The following RNF150 variants were observed in gnomAD, a reference collection of about 807,000 sequenced individuals.
RNF150 encodes the protein ring finger protein 150.
RNF150 carries 24 observed loss-of-function variants against 39.3 expected under a neutral mutation model. The observed-to-expected ratio is 0.61, with a 90% CI of 0.44 to 0.86. RNF150 has a LOEUF of 0.86. Ranked by LOEUF, RNF150 falls within the 40% of genes least tolerant of loss-of-function variation. The pLI is 0.00. For synonymous variants in RNF150, 255 were observed against 227.3 expected (o/e 1.12, Z -1.10); for missense variants, 502 against 587.8 (o/e 0.85, Z 1.51).
At chr4:140,882,296 G>C (rs1403148055) in intron 6 of RNF150, among the ~76,000 whole-genome samples, 1 of 152,188 alleles carries the variant, frequency 6.6e-6, no homozygotes, top group Non-Finnish European at 1.5e-5. Flanking sequence ...TGGGATTACA[G>C]GTGTGAGCCA....
intron 1 of RNF150, among the ~76,000 whole-genome samples, chr4:141,059,524 A>AT (rs935274433): frequency 1.9e-4 from 29 of 150,834 alleles, no homozygotes; most frequent in Non-Finnish European, 2.7e-4. Flanking sequence ...ATTTTCCTGC[A>AT]TTTTTTTTTA....
intron 1 of RNF150, among the ~76,000 whole-genome samples, chr4:141,103,590 C>A (rs1739094405): frequency 6.6e-6 from 1 of 152,142 alleles, no homozygotes; most frequent in African/African-American, 2.4e-5. Context: ...TCCATCATGA[C>A]CTCGCACACA....
At chr4:140,878,246 A>G (rs1350667056) in intron 6 of RNF150, among the ~76,000 whole-genome samples, 1 of 480 alleles carries the variant, frequency 2.1e-3, no homozygotes, top group Non-Finnish European at 6.3e-3. Flanking sequence ...GGCTTACCTC[A>G]CTCAACCTTT....
At chr4:141,035,416 G>T (rs1343289338) in intron 1 of RNF150, among the ~76,000 whole-genome samples, 1 of 152,150 alleles carries the variant, frequency 6.6e-6, no homozygotes, top group East Asian at 1.9e-4. Context: ...TAAAAAGAAT[G>T]CTATGACTTA....
intron 1 of RNF150, among the ~76,000 whole-genome samples, chr4:141,059,255 G>C (rs1018810698): frequency 2.0e-5 from 3 of 152,112 alleles, no homozygotes; most frequent in Non-Finnish European, 2.9e-5. Context: ...TGTATGTTTA[G>C]TCGAATCGCT....
chr4:141,095,398 T>A (rs1008112604), intron 1 of RNF150, among the ~76,000 whole-genome samples: 2 of 152,000 alleles, frequency 1.3e-5, no homozygotes, highest in Non-Finnish European at 2.9e-5. Context: ...GCTTCTCTCA[T>A]AAGGAGCAAA....
chr4:140,894,710 A>T (rs1217468336), intron 6 of RNF150, among the ~76,000 whole-genome samples: 1 of 152,230 alleles, frequency 6.6e-6, no homozygotes, highest in African/African-American at 2.4e-5. Flanking sequence ...AACATGGCCC[A>T]TGTCCTAAAT....
At chr4:141,000,360 G>T (rs1459109478) in intron 1 of RNF150, among the ~76,000 whole-genome samples, 2 of 152,142 alleles carry the variant, frequency 1.3e-5, no homozygotes, top group African/African-American at 2.4e-5. Context: ...TAGATTTCTT[G>T]GGTCGGTATG....
At chr4:141,167,687 T>C (rs763413808) in intron 1 of RNF150, among the ~76,000 whole-genome samples, 2 of 152,092 alleles carry the variant, frequency 1.3e-5, no homozygotes, top group Non-Finnish European at 2.9e-5. Context: ...AAAGAAACAA[T>C]GGGGAAAAAA....
chr4:141,026,875 A>C (rs1735716128), intron 1 of RNF150, among the ~76,000 whole-genome samples: 1 of 152,190 alleles, frequency 6.6e-6, no homozygotes, highest in Admixed American at 6.5e-5. Context: ...AGAAGTTGCG[A>C]TCTTTCAATA....
At chr4:141,007,325 C>T (rs1366563120) in intron 1 of RNF150, among the ~76,000 whole-genome samples, 1 of 152,152 alleles carries the variant, frequency 6.6e-6, no homozygotes, top group Non-Finnish European at 1.5e-5. Flanking sequence ...AAGTGAAAGG[C>T]CACCAGGCAA....
At chr4:140,969,805 A>G (rs987679833) in intron 1 of RNF150, among the ~76,000 whole-genome samples, 3 of 116,676 alleles carry the variant, frequency 2.6e-5, no homozygotes, top group Non-Finnish European at 3.3e-5. Context: ...TCTGTTGCCC[A>G]GGCTGGAGTG....
At position 141,060,649 on chromosome 4, in the gene RNF150, A is replaced by G. The variant is rs1578681601; in HGVS notation, c.484+71676T>C. 2.6e-5 allele frequency among the ~76,000 whole-genome samples: 4 copies of G among 152,308 alleles called. No individual in the cohort carries two copies. In the South Asian group the frequency reaches 8.3e-4, roughly 32 times the overall value. ...TGTATTATCTACCAATGTGAATTAT[A>G]AAAAGATATGAAAAACCCCTACTAT... On this transcript the variant is annotated intron_variant, in intron 1 of 6. Coordinates refer to ENST00000515673, the MANE Select transcript of RNF150 (RefSeq NM_020724.2).
chr4:141,103,940 A>T (rs1739106558), intron 1 of RNF150, among the ~76,000 whole-genome samples: 1 of 152,230 alleles, frequency 6.6e-6, no homozygotes, highest in South Asian at 2.1e-4. Flanking sequence ...AAAGGGCAAG[A>T]CAGTAATATT....
At chr4:141,098,870 A>T (rs1738902053) in intron 1 of RNF150, among the ~76,000 whole-genome samples, 1 of 152,146 alleles carries the variant, frequency 6.6e-6, no homozygotes, top group African/African-American at 2.4e-5. Flanking sequence ...TAGACTTCTG[A>T]CACACCTTAG....
rs556264757 is a variant in RNF150, at chr4:140,923,313, T to C, written c.987+2664A>G. Reference sequence around the variant, plus strand: ...ACCCCATCAAAAAGTGGGCAAAGGATATGAACAGAGACTTCTCAAAAGAAG... The same window carrying C: ...ACCCCATCAAAAAGTGGGCAAAGGACATGAACAGAGACTTCTCAAAAGAAG... On this transcript the variant is annotated intron_variant, in intron 5 of 6. Coordinates refer to ENST00000515673, the MANE Select transcript of RNF150 (RefSeq NM_020724.2). Among the ~76,000 whole-genome samples the C allele has an allele frequency of 1.6e-3, 245 of 152,266 alleles. 1 individual carries two copies. Among genetic ancestry groups the C allele is most frequent in the African/African-American group, 5.5e-3 (227 of 41,540 alleles).
chr4:141,069,030 TC>T (rs1185197849), intron 1 of RNF150, among the ~76,000 whole-genome samples: 2 of 149,700 alleles, frequency 1.3e-5, no homozygotes, highest in Non-Finnish European at 3.0e-5. Flanking sequence ...CTTCCTCTTT[TC>T]CTAATTGAAT....
intron 1 of RNF150, among the ~76,000 whole-genome samples, chr4:141,152,596 T>C (rs1727320263): frequency 6.6e-6 from 1 of 152,214 alleles, no homozygotes; most frequent in South Asian, 2.1e-4. Flanking sequence ...TGACTCTCAC[T>C]ATGAATTACG....
chr4:141,027,684 T>G (rs2110810409), intron 1 of RNF150, among the ~76,000 whole-genome samples: 1 of 152,276 alleles, frequency 6.6e-6, no homozygotes, highest in Non-Finnish European at 1.5e-5. Context: ...CAGCTGAGTG[T>G]TTATACCTAG....
Sources: allele counts gnomAD v4.1 joint callset (sites outside exome capture counted in the v4.1 genomes callset), GRCh38; gene constraint gnomAD v4.1.1; transcripts MANE v1.5; gene names NCBI Gene and HGNC (gene_info 2026-07-23, HGNC 2026-07-21).